The following RGPD3 variants were observed in gnomAD, a reference collection of about 807,000 sequenced individuals.
The protein encoded by RGPD3 is ranBP2-like and GRIP domain-containing protein 3.
Under a neutral mutation model 154.5 loss-of-function variants are expected in RGPD3, and 62 were observed. The observed-to-expected ratio is 0.40, with a 90% CI of 0.33 to 0.50. The LOEUF (loss-of-function observed/expected upper bound fraction) is 0.50, where lower values mean the gene tolerates loss of function less well. RGPD3 is among the 20% of genes least tolerant of loss of function. The pLI is 0.59. For missense variants in RGPD3, 919 were observed against 1,716.8 expected, an observed-to-expected ratio of 0.54 and a Z score of 8.21; for synonymous variants, 308 against 607.0, an observed-to-expected ratio of 0.51 and a Z score of 7.24.
chr2:106,434,127 T>C, intron 15 of RGPD3, 101 bp downstream of exon 15: 1 of 1,593,906 alleles, frequency 6.3e-7, no homozygotes, highest in Admixed American at 1.7e-5. Context: ...TAACAACATA[T>C]TACTGAGTAT....
intron 20 of RGPD3, among the ~76,000 whole-genome samples, chr2:106,420,680 A>G (rs1339770025): frequency 5.3e-5 from 8 of 152,304 alleles, no homozygotes; most frequent in Non-Finnish European, 1.0e-4. Context: ...GGACATAATG[A>G]GTTAAATCAA....
chr2:106,411,487 A>C (rs1478830110), intron 22 of RGPD3, among the ~76,000 whole-genome samples: 1 of 147,630 alleles, frequency 6.8e-6, no homozygotes, highest in Non-Finnish European at 1.5e-5. Flanking sequence ...TCAATTAATA[A>C]GTGGCACATT....
intron 1 of RGPD3, among the ~76,000 whole-genome samples, chr2:106,463,335 G>T (rs1232918032): frequency 6.6e-6 from 1 of 152,268 alleles, no homozygotes; most frequent in African/African-American, 2.4e-5. Context: ...AATTAGCCGG[G>T]CATGGTGGCG....
In RGPD3 at chr2:106,415,982, T is replaced by C; in HGVS notation, c.4932A>G (p.Pro1644=). The C allele has an allele frequency of 1.2e-6, 2 of 1,611,790 alleles. No homozygotes were observed. Among genetic ancestry groups the C allele is most frequent in the Non-Finnish European group, 1.7e-6 (2 of 1,179,792 alleles). ...CTTTAGTAAATTCAGCATACCATAA[T>C]GGAGGCTCTGCAACATGTTGTTCCA... ...YTFKTPEKEP[P]LWYAEFTKEE... Residue 1644 remains proline, a synonymous_variant, in exon 21 of 23, where the codon CCA becomes CCG. Transcript: ENST00000409886.
At chr2:106,458,367 T>C (rs1418653159) in intron 2 of RGPD3, among the ~76,000 whole-genome samples, 4 of 150,406 alleles carry the variant, frequency 2.7e-5, no homozygotes, top group Non-Finnish European at 1.5e-5. Context: ...AGTTACATAA[T>C]TTATGTACCA....
chr2:106,438,582 G>A (rs1351119260), intron 9 of RGPD3, among the ~76,000 whole-genome samples: 2 of 151,650 alleles, frequency 1.3e-5, no homozygotes, highest in Non-Finnish European at 2.9e-5. Flanking sequence ...AGGAGTTTGA[G>A]ACCAGCCTGA....
At chr2:106,462,755 C>T (rs1289986045) in intron 1 of RGPD3, among the ~76,000 whole-genome samples, 3 of 151,860 alleles carry the variant, frequency 2.0e-5, no homozygotes, top group Non-Finnish European at 4.4e-5. Flanking sequence ...AATCTCCCTC[C>T]CCCTAAAATC....
intron 7 of RGPD3, among the ~76,000 whole-genome samples, chr2:106,441,752 T>C (rs1677748826): frequency 6.9e-6 from 1 of 145,938 alleles, no homozygotes; most frequent in South Asian, 2.1e-4. Context: ...TAATTCCAGC[T>C]ACACGGGAGG....
chr2:106,465,736 T>G (rs1200244700), intron 1 of RGPD3, among the ~76,000 whole-genome samples: 1 of 152,222 alleles, frequency 6.6e-6, no homozygotes, highest in East Asian at 1.9e-4. Flanking sequence ...GAATTTTTTT[T>G]TTTTAAGCAA....
At chr2:106,409,919 A>G (rs1186560144) in intron 22 of RGPD3, among the ~76,000 whole-genome samples, 4 of 133,010 alleles carry the variant, frequency 3.0e-5, no homozygotes, top group African/African-American at 2.9e-5. Flanking sequence ...CTTGTTGCTC[A>G]GGCTGGAGTG....
intron 6 of RGPD3, among the ~76,000 whole-genome samples, chr2:106,448,689 GT>G (rs1183404483): frequency 2.0e-5 from 3 of 150,806 alleles, no homozygotes; most frequent in East Asian, 3.9e-4. Context: ...GTAGAGCTGA[GT>G]TTTTTTGTTT....
In RGPD3 at chr2:106,413,279, T is replaced by G. The variant is rs1676728751; in HGVS notation, c.5071A>C (p.Lys1691Gln). Residue 1691 changes from lysine (K) to glutamine (Q), a missense_variant, in exon 22 of 23, where the codon AAA (lysine) becomes CAA (glutamine). Coordinates refer to ENST00000409886, the MANE Select transcript of RGPD3 (RefSeq NM_001144013.2). ...AVLMEQIKLL[K>Q]SEIRRLERNQ... is the part of the protein sequence containing the mutation. Reference sequence around the variant, plus strand: ...CTTTCCAATCTTCTTATTTCACTTTTGAGAAGCTGGTGTTAGAGAAATGAG... The same window carrying G: ...CTTTCCAATCTTCTTATTTCACTTTGGAGAAGCTGGTGTTAGAGAAATGAG... The G allele has an allele frequency of 1.2e-6, 2 of 1,611,894 alleles. No homozygotes were observed. The highest frequency in any genetic ancestry group is 2.3e-4 in the Middle Eastern group (1 of 4,430).
Position 106,464,536 on chromosome 2 carries a change from C to G in RGPD3, c.72+3681G>C, listed in dbSNP as rs1341045998. Among the ~76,000 whole-genome samples the G allele has an allele frequency of 6.4e-3, 956 of 150,300 alleles. 3 individuals carry two copies. The highest frequency in any genetic ancestry group is 0.022 in the African/African-American group (878 of 40,598). ...CAGAGGTAGGAGGATCATTTATGCC[C>G]AAAAATTTGATGAGCAACACAGCAA... On this transcript the variant is annotated intron_variant, in intron 1 of 22. Coordinates refer to ENST00000409886, the MANE Select transcript of RGPD3 (RefSeq NM_001144013.2).
In RGPD3 at chr2:106,404,034, A is replaced by C. The variant is rs1676439100; in HGVS notation, c.*1185T>G. On this transcript the variant is annotated 3_prime_UTR_variant, in exon 23 of 23. Transcript: ENST00000409886. ...CATTAAAACATATGCAGCGGTGTCA[A>C]AGGCAAGTAACACTACCACCTAAGG... Among the ~76,000 whole-genome samples the C allele has an allele frequency of 6.6e-6, 1 of 152,166 alleles. No homozygotes were observed. Among genetic ancestry groups the C allele is most frequent in the African/African-American group, 2.4e-5 (1 of 41,396 alleles).
chr2:106,469,765 C>T (rs1300812644), upstream of RGPD3, among the ~76,000 whole-genome samples: 1 of 152,216 alleles, frequency 6.6e-6, no homozygotes, highest in Non-Finnish European at 1.5e-5. Flanking sequence ...CCTTTCCACA[C>T]ATATACTGCC....
At chr2:106,414,264 A>G (rs1294914616) in intron 21 of RGPD3, among the ~76,000 whole-genome samples, 2 of 152,202 alleles carry the variant, frequency 1.3e-5, no homozygotes, top group African/African-American at 2.4e-5. Context: ...CCTCAAACCT[A>G]GGACCATTTA....
At chr2:106,469,577 C>T (rs956386980), upstream of RGPD3, among the ~76,000 whole-genome samples, 1 of 152,206 alleles carries the variant, frequency 6.6e-6, no homozygotes, top group African/African-American at 2.4e-5. Flanking sequence ...ACTCACATGT[C>T]CTTTAAATAC....
intron 20 of RGPD3, among the ~76,000 whole-genome samples, chr2:106,421,737 A>C (rs1676994939): frequency 6.6e-6 from 1 of 151,922 alleles, no homozygotes; most frequent in Non-Finnish European, 1.5e-5. Flanking sequence ...ACTCTTCCAT[A>C]CTGTATACAT....
At chr2:106,467,782 A>T (rs573902217) in intron 1 of RGPD3, among the ~76,000 whole-genome samples, 6 of 94,044 alleles carry the variant, frequency 6.4e-5, no homozygotes, top group Non-Finnish European at 1.1e-4. Context: ...CTGAGCCATC[A>T]AGGCAGCCGC....
Sources: gnomAD v4.1 joint callset for allele counts (sites outside exome capture counted in the v4.1 genomes callset) on GRCh38, gnomAD v4.1.1 for gene constraint, MANE v1.5 for transcripts, NCBI Gene and HGNC (gene_info 2026-07-23, HGNC 2026-07-21) for gene names.